RIMS1: variants seen among roughly 807,000 people sequenced by gnomAD.
The protein encoded by RIMS1 is regulating synaptic membrane exocytosis 1.
Under a neutral mutation model 214.1 loss-of-function variants are expected in RIMS1, and 83 were observed. The ratio of observed to expected loss-of-function variants is 0.39; its 90% CI spans 0.32 to 0.47. The LOEUF is 0.47. RIMS1 is among the 20% of genes least tolerant of loss of function. The pLI, the probability that RIMS1 is intolerant of heterozygous loss-of-function variation, is 0.99. For synonymous variants in RIMS1, 793 were observed against 786.8 expected (o/e 1.01, Z -0.13); for missense variants, 2,050 against 2,161.8 (o/e 0.95, Z 1.03).
At chr6:71,953,171 T>C (rs777981013) in intron 1 of RIMS1, among the ~76,000 whole-genome samples, 3 of 151,994 alleles carry the variant, frequency 2.0e-5, no homozygotes, top group Non-Finnish European at 4.4e-5. Context: ...ATATTTTTAG[T>C]AGAGACTGGT....
At chr6:72,196,579 A>ATTTTTTTTTTTTTTTTTTTTTTTT (rs1562552453) in intron 6 of RIMS1, among the ~76,000 whole-genome samples, 1 of 32,670 alleles carries the variant, frequency 3.1e-5, no homozygotes, top group African/African-American at 2.2e-4. Context: ...AGCCAGCTGC[A>ATTTTTTTTTTTTTTTTTTTTTTTT]CTTTTTTTTT....
At chr6:72,371,115 C>G (rs1595554418) in intron 29 of RIMS1, among the ~76,000 whole-genome samples, 1 of 151,966 alleles carries the variant, frequency 6.6e-6, no homozygotes. Flanking sequence ...TTCCTTTTCT[C>G]TCATATCTCT....
intron 1 of RIMS1, among the ~76,000 whole-genome samples, chr6:71,895,673 CAAAAAA>C (rs70994105): frequency 4.7e-5 from 3 of 64,222 alleles, no homozygotes; most frequent in African/African-American, 1.3e-4. Flanking sequence ...GACTCCCTCT[CAAAAAA>C]AAAAAAAAAA....
intron 27 of RIMS1, among the ~76,000 whole-genome samples, chr6:72,308,034 T>C (rs1238127271): frequency 6.6e-6 from 1 of 152,134 alleles, no homozygotes; most frequent in East Asian, 1.9e-4. Context: ...TTAAGGTATA[T>C]ATTTATAGTC....
chr6:72,198,085 C>A (rs990428302), intron 6 of RIMS1, among the ~76,000 whole-genome samples: 1 of 151,914 alleles, frequency 6.6e-6, no homozygotes, highest in Non-Finnish European at 1.5e-5. Flanking sequence ...CCATATAATC[C>A]AGTAGTCCCA....
chr6:72,315,204 C>G (rs2095708259), intron 28 of RIMS1, among the ~76,000 whole-genome samples: 1 of 152,106 alleles, frequency 6.6e-6, no homozygotes, highest in South Asian at 2.1e-4. Context: ...TGGACTATAA[C>G]CATATCATGA....
intron 2 of RIMS1, among the ~76,000 whole-genome samples, chr6:72,073,079 C>A (rs1318619435): frequency 6.6e-6 from 1 of 152,084 alleles, no homozygotes; most frequent in Non-Finnish European, 1.5e-5. Flanking sequence ...ATTTCGAGCC[C>A]TGACTGTGGA....
rs1389169415 is a variant in RIMS1 at position 72,278,151 on chromosome 6, TAATCTATCTATC to T, written c.3482+3720_3482+3731del. Among the ~76,000 whole-genome samples, 314 of 121,304 alleles carry T rather than the reference TAATCTATCTATC, an allele frequency of 2.6e-3. 1 individual carries two copies. Among genetic ancestry groups the T allele is most frequent in the Middle Eastern group, 4.5e-3 (1 of 220 alleles). The allele number at this position is 121,304 out of a possible 152,430, so 79.6% of individuals were successfully genotyped here. The stretch of plus-strand genomic sequence containing the variant: ...CAATATTTTGATTGAGAATGGTTTT[TAATCTATCTATC>T]TATCTATCTATCTATCTATCTATCT... On this transcript the variant is annotated intron_variant, in intron 23 of 33. Transcript: ENST00000521978.
intron 2 of RIMS1, among the ~76,000 whole-genome samples, chr6:71,972,458 T>G (rs1742075300): frequency 6.6e-6 from 1 of 152,180 alleles, no homozygotes; most frequent in South Asian, 2.1e-4. Context: ...AGTACTCATA[T>G]CACTTGGTGT....
chr6:72,318,259 AT>A (rs972829669), intron 28 of RIMS1, among the ~76,000 whole-genome samples: 3 of 151,776 alleles, frequency 2.0e-5, no homozygotes, highest in African/African-American at 7.3e-5. Context: ...TATGCTTTTA[AT>A]TTTTCTTATT....
At chr6:72,079,013 C>T (rs982524775) in intron 2 of RIMS1, among the ~76,000 whole-genome samples, 8 of 152,032 alleles carry the variant, frequency 5.3e-5, no homozygotes, top group African/African-American at 1.9e-4. Context: ...GAATCTATTA[C>T]AAAACAAACA....
intron 1 of RIMS1, among the ~76,000 whole-genome samples, chr6:71,910,921 C>G (rs1043776005): frequency 1.3e-5 from 2 of 152,028 alleles, no homozygotes; most frequent in African/African-American, 4.8e-5. Context: ...ATCAATCTGG[C>G]TCCAATAGGA....
chr6:72,037,982 G>A (rs1257459317), intron 2 of RIMS1, among the ~76,000 whole-genome samples: 5 of 149,026 alleles, frequency 3.4e-5, no homozygotes, highest in Non-Finnish European at 7.4e-5. Flanking sequence ...GCACTCTGAC[G>A]TGTACAATGA....
chr6:72,261,698 A>G (rs2078103285), intron 19 of RIMS1: 1 of 985,296 alleles, frequency 1.0e-6, no homozygotes, highest in African/African-American at 1.7e-5. Flanking sequence ...AGACAAATGC[A>G]TGATTTATTA....
chr6:72,139,418 A>G (rs759878982), intron 4 of RIMS1, among the ~76,000 whole-genome samples: 10 of 152,126 alleles, frequency 6.6e-5, no homozygotes, highest in Admixed American at 3.3e-4. Flanking sequence ...GGCCCTTTCT[A>G]AAAACTTCTT....
At chr6:72,063,348 A>G (rs1001003766) in intron 2 of RIMS1, among the ~76,000 whole-genome samples, 1 of 152,192 alleles carries the variant, frequency 6.6e-6, no homozygotes, top group Non-Finnish European at 1.5e-5. Context: ...GTGACTCCCC[A>G]GTGAAGTAGA....
intron 1 of RIMS1, among the ~76,000 whole-genome samples, chr6:71,952,549 G>T (rs1289114850): frequency 6.6e-6 from 1 of 152,206 alleles, no homozygotes; most frequent in East Asian, 1.9e-4. Flanking sequence ...GAGGAAGGTG[G>T]TGTCCCCTCA....
rs550857191 is a variant in RIMS1, at chr6:72,204,375, A to C, written c.1678+21226A>C. On this transcript the variant is annotated intron_variant, in intron 6 of 33. Transcript: ENST00000521978. ...ATTATATACAGAATGAAATCCAAAA[A>C]ACTTCAGCCATGCCCTTCAATCTTC... Among the ~76,000 whole-genome samples, 8 of 152,302 alleles carry C rather than the reference A, an allele frequency of 5.3e-5. No individual in the cohort carries two copies. The East Asian group carries it at 1.2e-3, about 22-fold the overall frequency.
At chr6:72,014,351 T>A (rs1481042656) in intron 2 of RIMS1, among the ~76,000 whole-genome samples, 2 of 152,378 alleles carry the variant, frequency 1.3e-5, no homozygotes, top group Non-Finnish European at 1.5e-5. Context: ...CAATTCAAGA[T>A]GAGATTTGGG....
Sources: gnomAD v4.1 joint callset for allele counts (sites outside exome capture counted in the v4.1 genomes callset) on GRCh38, gnomAD v4.1.1 for gene constraint, MANE v1.5 for transcripts, NCBI Gene and HGNC (gene_info 2026-07-23, HGNC 2026-07-21) for gene names.